FAM161B: variants seen among roughly 807,000 people sequenced by gnomAD.
FAM161B encodes protein FAM161B.
In FAM161B, 46 loss-of-function variants were observed where a neutral mutation model predicts 61.5. The observed-to-expected ratio is 0.75, with a 90% CI of 0.59 to 0.96. FAM161B has a LOEUF of 0.96. Ranked by LOEUF, FAM161B falls within the 40% of genes least tolerant of loss-of-function variation. The pLI is 0.00. For missense variants in FAM161B, 774 were observed against 800.7 expected (o/e 0.97, Z 0.40); for synonymous variants, 284 against 302.7 (o/e 0.94, Z 0.64).
At chr14:73,931,065 G>T (rs1219900562), downstream of FAM161B, among the ~76,000 whole-genome samples, 1 of 152,152 alleles carries the variant, frequency 6.6e-6, no homozygotes, top group African/African-American at 2.4e-5. Context: ...TCTTTTATGA[G>T]TGGGTTTCAG....
chr14:73,939,729 T>TA (rs933892147), intron 5 of FAM161B, among the ~76,000 whole-genome samples: 1 of 152,232 alleles, frequency 6.6e-6, no homozygotes, highest in Admixed American at 6.5e-5. Flanking sequence ...TTGTAGCACT[T>TA]AGTTTGTTCA....
Position 73,936,047 on chromosome 14 carries a change from G to T in FAM161B, c.1707C>A (p.Thr569=), listed in dbSNP as rs762927719. 3 of 1,613,498 alleles carry T rather than the reference G, an allele frequency of 1.9e-6. No individual in the cohort carries two copies. The South Asian group carries it at 3.3e-5, about 18-fold the overall frequency. The change falls in exon 8 of 9, where the codon ACC becomes ACA. Residue 569 remains threonine, a synonymous_variant. Coordinates refer to ENST00000286544, the MANE Select transcript of FAM161B (RefSeq NM_152445.3). ...KKEAEQWYLD[T]LKQAGLEEDF... ...CTTCCTCCAGCCCAGCCTGCTTCAG[G>T]GTGTCTAGATACCACTGTTCTGCTT...
intron 8 of FAM161B, among the ~76,000 whole-genome samples, chr14:73,935,003 C>G (rs535119836): frequency 6.5e-4 from 98 of 151,596 alleles, no homozygotes; most frequent in African/African-American, 2.4e-3. Context: ...GCAGAGACTG[C>G]AGTGAGCCAA....
At chr14:73,938,711 G>C (rs954168164) in intron 5 of FAM161B, among the ~76,000 whole-genome samples, 2 of 151,944 alleles carry the variant, frequency 1.3e-5, no homozygotes, top group South Asian at 4.1e-4. Flanking sequence ...GGCGGAGCTT[G>C]CAGTGAGCCG....
intron 5 of FAM161B, among the ~76,000 whole-genome samples, chr14:73,939,670 G>C (rs770467577): frequency 3.3e-5 from 5 of 152,202 alleles, no homozygotes; most frequent in Non-Finnish European, 5.9e-5. Flanking sequence ...TGCACATTCA[G>C]AGAGAACTGG....
At chr14:73,928,668 G>A (rs2140333630), downstream of FAM161B, among the ~76,000 whole-genome samples, 1 of 152,276 alleles carries the variant, frequency 6.6e-6, no homozygotes, top group East Asian at 1.9e-4. Flanking sequence ...AAAGACCTGG[G>A]TGTGGTGGAT....
At chr14:73,941,111 T>A in intron 4 of FAM161B, 58 bp from the exon 5 acceptor site, 82 of 472,494 alleles carry the variant, frequency 1.7e-4, no homozygotes, top group Non-Finnish European at 2.3e-4. Context: ...TTTCTATCTT[T>A]TTTTTTTTTT....
At position 73,939,500 on chromosome 14, in the gene FAM161B, C is replaced by T. The variant is rs563922823; in HGVS notation, c.1401-1388G>A. The stretch of plus-strand genomic sequence containing the variant: ...TTTTATAGGGGAGGTGATTGAGGCT[C>T]AAAGGAGGTAAGCCCCTTGCTCAAA... On this transcript the variant is annotated intron_variant, in intron 5 of 8. Coordinates refer to ENST00000286544, the MANE Select transcript of FAM161B (RefSeq NM_152445.3). Among the ~76,000 whole-genome samples the T allele has an allele frequency of 5.9e-5, 9 of 152,254 alleles. No individual in the cohort carries two copies. In the East Asian group the frequency reaches 1.7e-3, roughly 29 times the overall value.
At chr14:73,938,707 G>A (rs1030053449) in intron 5 of FAM161B, among the ~76,000 whole-genome samples, 1 of 151,952 alleles carries the variant, frequency 6.6e-6, no homozygotes, top group East Asian at 1.9e-4. Context: ...GGGAGGCGGA[G>A]CTTGCAGTGA....
Position 73,944,391 on chromosome 14 carries a change from G to C in FAM161B, c.869C>G (p.Ala290Gly), listed in dbSNP as rs2056045166. The C allele has an allele frequency of 6.2e-7, 1 of 1,606,624 alleles. No individual in the cohort carries two copies. Among genetic ancestry groups the C allele is most frequent in the Admixed American group, 1.7e-5 (1 of 59,786 alleles). Residue 290 changes from alanine (A) to glycine (G), a missense_variant, in exon 3 of 9, where the codon GCC (alanine) becomes GGC (glycine). Coordinates refer to ENST00000286544, the MANE Select transcript of FAM161B (RefSeq NM_152445.3). ...TAEAKISKQKATRRIPKSILE... is the reference protein window; with the variant it reads ...TAEAKISKQKGTRRIPKSILE... ...AATGGACTTGGGAATCCTTCTGGTGGCCTTCTGCTTGGAGATCTTGGCTTC... is the reference window on the plus strand; with the variant it reads ...AATGGACTTGGGAATCCTTCTGGTGCCCTTCTGCTTGGAGATCTTGGCTTC...
chr14:73,931,668 A>C, downstream of FAM161B: 1 of 808,270 alleles, frequency 1.2e-6, no homozygotes, highest in Non-Finnish European at 2.0e-6. Flanking sequence ...TGCTTTTGCC[A>C]CTCTTCCTCT....
the FAM161B span, chr14:73,924,941 T>A: frequency 5.3e-5 from 15 of 283,358 alleles, no homozygotes; most frequent in Non-Finnish European, 8.3e-5. Flanking sequence ...CCTCCCAAAG[T>A]GCTGGAATTA....
At chr14:73,927,850 A>ATTTTTTTTTTT (rs769693607), downstream of FAM161B, 1 of 135,246 alleles carries the variant, frequency 7.4e-6, no homozygotes, top group Non-Finnish European at 1.5e-5. Context: ...TTTTTTTTTA[A>ATTTTTTTTTTT]TTTTTTAGAC....
rs150661976 is a variant in FAM161B, at chr14:73,947,683, G to C, written c.55-1078C>G. Among the ~76,000 whole-genome samples, 859 of 152,290 alleles carry C rather than the reference G, an allele frequency of 5.6e-3. 25 individuals carry two copies. The highest frequency in any genetic ancestry group is 0.042 in the Admixed American group (638 of 15,302). ...GGTTATAAAAAGATGGAGTGCCTAT[G>C]GAAAGCTTTTTGGTTGATAAAGTCC... On this transcript the variant is annotated intron_variant, in intron 1 of 8. Coordinates refer to ENST00000286544, the MANE Select transcript of FAM161B (RefSeq NM_152445.3).
At chr14:73,936,128 A>C in intron 7 of FAM161B, 40 bp from the exon 8 acceptor site, 1 of 1,551,860 alleles carries the variant, frequency 6.4e-7, no homozygotes. Context: ...TGTCTTATGA[A>C]TTACCAGACA....
Position 73,941,072 on chromosome 14 carries a change from G to A in FAM161B, c.1273-19C>T, listed in dbSNP as rs1315952510. On this transcript the variant is annotated intron_variant, in intron 4 of 8. Coordinates refer to ENST00000286544, the MANE Select transcript of FAM161B (RefSeq NM_152445.3). ...GGGAATCCTAGAAGAAACAAAGGTT[G>A]GTATTGGTGGGACAGCATGTGTGAT... 6.3e-7 allele frequency: 1 copy of A among 1,592,430 alleles called. No homozygotes were observed. Among genetic ancestry groups the A allele is most frequent in the Admixed American group, 1.7e-5 (1 of 58,922 alleles).
intron 3 of FAM161B, among the ~76,000 whole-genome samples, chr14:73,943,132 A>T (rs2056033984): frequency 6.6e-6 from 1 of 152,034 alleles, no homozygotes; most frequent in African/African-American, 2.4e-5. Flanking sequence ...AGGCCCTACC[A>T]TCCACCCAGC....
At chr14:73,948,063 T>G (rs2056081636) in intron 1 of FAM161B, among the ~76,000 whole-genome samples, 1 of 152,126 alleles carries the variant, frequency 6.6e-6, no homozygotes. Flanking sequence ...TAGCTGGGAC[T>G]ACAGCACACA....
At chr14:73,924,056 A>G in the FAM161B span, among the ~76,000 whole-genome samples, 1 of 152,162 alleles carries the variant, frequency 6.6e-6, no homozygotes, top group Non-Finnish European at 1.5e-5. Context: ...CTATGGTCAT[A>G]TGTCTGGGAG....
Sources: gnomAD v4.1 joint callset for allele counts (sites outside exome capture counted in the v4.1 genomes callset) on GRCh38, gnomAD v4.1.1 for gene constraint, MANE v1.5 for transcripts, NCBI Gene and HGNC (gene_info 2026-07-23, HGNC 2026-07-21) for gene names.